The following SPOCK3 variants were observed in gnomAD, a reference collection of about 807,000 sequenced individuals.
The protein encoded by SPOCK3 is testican-3.
In SPOCK3, 30 loss-of-function variants were observed where a neutral mutation model predicts 56.6. The ratio of observed to expected loss-of-function variants is 0.53; its 90% CI spans 0.40 to 0.72. The LOEUF (loss-of-function observed/expected upper bound fraction) is 0.72, where lower values mean the gene tolerates loss of function less well. SPOCK3 is among the 30% of genes least tolerant of loss of function. The probability of loss-of-function intolerance (pLI) is 0.00; values close to 1 mark genes in which losing one functional copy is unlikely to be tolerated. For missense variants in SPOCK3, 527 were observed against 530.0 expected (o/e 0.99, Z 0.06); for synonymous variants, 196 against 183.3 (o/e 1.07, Z -0.56).
chr4:166,995,245 A>ATGTGTG lies in SPOCK3; in HGVS notation c.350+5103_350+5104insCACACA, dbSNP rs111990523. Among the ~76,000 whole-genome samples, 141 of 150,530 alleles carry ATGTGTG rather than the reference A, an allele frequency of 9.4e-4. No homozygotes were observed. The Middle Eastern group carries it at 0.014, about 15-fold the overall frequency. Reference sequence around the variant, plus strand: ...ATTACACACATATATGCATGTATGTATGTATGTGTGTGTGTGTGCATACAG... The same window carrying ATGTGTG: ...ATTACACACATATATGCATGTATGTATGTGTGTGTATGTGTGTGTGTGTGCATACAG... On this transcript the variant is annotated intron_variant, in intron 4 of 10. Coordinates refer to ENST00000357545, the MANE Select transcript of SPOCK3 (RefSeq NM_001040159.2).
rs946861548 is a variant in SPOCK3, at chr4:167,083,125, T to C, written c.190-20588A>G. On this transcript the variant is annotated intron_variant, in intron 2 of 10. Coordinates refer to ENST00000357545, the MANE Select transcript of SPOCK3 (RefSeq NM_001040159.2). Reference sequence around the variant, plus strand: ...CAATGAATGAGTGGTACTTCTTAACTAATTACAGCTTTATGGTTGCCCTAG... The same window carrying C: ...CAATGAATGAGTGGTACTTCTTAACCAATTACAGCTTTATGGTTGCCCTAG... 2.0e-5 allele frequency: 15 copies of C among 759,930 alleles called. No individual in the cohort carries two copies. In the Admixed American group the frequency reaches 2.6e-4, roughly 13 times the overall value. The allele number at this position is 759,930 out of a possible 1,614,324, so 47.1% of individuals were successfully genotyped here. A position where few individuals can be genotyped will look rare whatever the true frequency, so the allele number is the denominator to read the frequency against.
At position 167,057,842 on chromosome 4, in the gene SPOCK3, C is replaced by A. The variant is rs898306128; in HGVS notation, c.235+4650G>T. 4.6e-5 allele frequency among the ~76,000 whole-genome samples: 7 copies of A among 152,056 alleles called. No individual in the cohort carries two copies. In the East Asian group the frequency reaches 7.7e-4, roughly 17 times the overall value. On this transcript the variant is annotated intron_variant, in intron 3 of 10. Coordinates refer to ENST00000357545, the MANE Select transcript of SPOCK3 (RefSeq NM_001040159.2). Reference sequence around the variant, plus strand: ...GACTCCCACACAATAATAATGGGAGCCTTTAACACCCCACTGTCAACATTA... The same window carrying A: ...GACTCCCACACAATAATAATGGGAGACTTTAACACCCCACTGTCAACATTA...
At chr4:167,222,262 AAGT>A (rs768768652) in intron 2 of SPOCK3, among the ~76,000 whole-genome samples, 1 of 151,966 alleles carries the variant, frequency 6.6e-6, no homozygotes, top group Non-Finnish European at 1.5e-5. Flanking sequence ...TAGAAACAAA[AAGT>A]AGAATGGTTG....
intron 9 of SPOCK3, among the ~76,000 whole-genome samples, chr4:166,738,730 T>C (rs1734512576): frequency 6.6e-6 from 1 of 150,644 alleles, no homozygotes. Context: ...TTTGGTTTTT[T>C]GTCCTTGCGA....
intron 2 of SPOCK3, among the ~76,000 whole-genome samples, chr4:167,212,081 T>C (rs1423353969): frequency 1.3e-5 from 2 of 152,150 alleles, no homozygotes; most frequent in Admixed American, 1.3e-4. Context: ...CAATAATACC[T>C]ACAATACAGG....
chr4:166,769,460 C>G (rs371921087), intron 7 of SPOCK3, among the ~76,000 whole-genome samples: 15 of 152,134 alleles, frequency 9.9e-5, no homozygotes, highest in Non-Finnish European at 1.6e-4. Context: ...CACTCCAGAC[C>G]CTGTTTGCCT....
At chr4:167,155,831 C>G (rs1764771271) in intron 2 of SPOCK3, among the ~76,000 whole-genome samples, 1 of 151,870 alleles carries the variant, frequency 6.6e-6, no homozygotes, top group Non-Finnish European at 1.5e-5. Flanking sequence ...ATCTAGTAGT[C>G]AAAGGGGAGG....
rs1579799058 is a variant in SPOCK3, at chr4:166,956,867, A to C, written c.350+43482T>G. ...TATTACTAAACTCACTCTCCTGCAA[A>C]CATTCTCATCCTCCTTGCCTCTCGC... is the stretch of plus-strand genomic sequence containing the variant. On this transcript the variant is annotated intron_variant, in intron 4 of 10. Transcript: ENST00000357545. Among the ~76,000 whole-genome samples the C allele has an allele frequency of 2.0e-5, 3 of 152,244 alleles. No homozygotes were observed. The East Asian group carries it at 5.8e-4, about 29-fold the overall frequency.
At chr4:167,222,786 CAT>C (rs1423168304) in intron 2 of SPOCK3, among the ~76,000 whole-genome samples, 4 of 117,756 alleles carry the variant, frequency 3.4e-5, no homozygotes, top group South Asian at 2.5e-4. Context: ...AATATATAAA[CAT>C]AGATATATAT....
chr4:166,800,711 T>C (rs928543382), intron 6 of SPOCK3, among the ~76,000 whole-genome samples: 8 of 152,132 alleles, frequency 5.3e-5, no homozygotes, highest in African/African-American at 1.9e-4. Flanking sequence ...ATCAAAAAGT[T>C]AAAAAAATTA....
intron 7 of SPOCK3, among the ~76,000 whole-genome samples, chr4:166,772,802 T>C (rs1202547021): frequency 6.6e-6 from 1 of 152,088 alleles, no homozygotes; most frequent in East Asian, 1.9e-4. Flanking sequence ...TTTTGTTTGT[T>C]TGCTTTTGAG....
intron 6 of SPOCK3, among the ~76,000 whole-genome samples, chr4:166,841,200 C>T (rs145317118): frequency 6.6e-6 from 1 of 152,108 alleles, no homozygotes; most frequent in Non-Finnish European, 1.5e-5. Context: ...ACGCTAGAAA[C>T]GTGGGTGCAA....
At chr4:167,140,127 G>A (rs1317214349) in intron 2 of SPOCK3, among the ~76,000 whole-genome samples, 2 of 152,014 alleles carry the variant, frequency 1.3e-5, no homozygotes, top group Non-Finnish European at 2.9e-5. Flanking sequence ...TGCACCGGAT[G>A]GAGCCATCTT....
At chr4:167,156,511 T>G (rs1189170094) in intron 2 of SPOCK3, among the ~76,000 whole-genome samples, 1 of 152,114 alleles carries the variant, frequency 6.6e-6, no homozygotes, top group Non-Finnish European at 1.5e-5. Flanking sequence ...CTTTTTGTAG[T>G]TCAGGCATGT....
At chr4:166,801,316 A>G (rs1742571413) in intron 6 of SPOCK3, among the ~76,000 whole-genome samples, 1 of 152,108 alleles carries the variant, frequency 6.6e-6, no homozygotes, top group African/African-American at 2.4e-5. Context: ...AATTCAAAAC[A>G]ATTTCTATTG....
At chr4:166,906,415 C>T (rs1736614911) in intron 5 of SPOCK3, among the ~76,000 whole-genome samples, 2 of 151,324 alleles carry the variant, frequency 1.3e-5, no homozygotes, top group South Asian at 4.2e-4. Context: ...AGGAATTTTC[C>T]CATCTCTGCT....
chr4:167,233,805 G>A (rs1053429149), intron 2 of SPOCK3, among the ~76,000 whole-genome samples, 180 bp downstream of exon 2: 1 of 152,052 alleles, frequency 6.6e-6, no homozygotes, highest in Non-Finnish European at 1.5e-5. Flanking sequence ...ACAAGCCCTT[G>A]AACCAGCTGG....
chr4:166,928,300 T>C (rs1309230254), intron 4 of SPOCK3, among the ~76,000 whole-genome samples: 2 of 152,220 alleles, frequency 1.3e-5, no homozygotes, highest in Non-Finnish European at 2.9e-5. Context: ...GCTTTATTCA[T>C]AATTCCAAAA....
intron 7 of SPOCK3, among the ~76,000 whole-genome samples, chr4:166,776,915 T>G (rs1403850619): frequency 6.6e-6 from 1 of 152,204 alleles, no homozygotes; most frequent in Non-Finnish European, 1.5e-5. Context: ...GCATTAAAAG[T>G]AATGATTTAA....
Sources: gnomAD v4.1 joint callset for allele counts (sites outside exome capture counted in the v4.1 genomes callset) on GRCh38, gnomAD v4.1.1 for gene constraint, MANE v1.5 for transcripts, NCBI Gene and HGNC (gene_info 2026-07-23, HGNC 2026-07-21) for gene names.